PDZRN3: variants seen among roughly 807,000 people sequenced by gnomAD.
PDZRN3 encodes E3 ubiquitin-protein ligase PDZRN3.
A neutral mutation model predicts 85.7 loss-of-function variants in PDZRN3; 38 were observed. The ratio of observed to expected loss-of-function variants is 0.44; its 90% confidence interval spans 0.34 to 0.58. The LOEUF (loss-of-function observed/expected upper bound fraction) is 0.58. Ranked by LOEUF, PDZRN3 falls within the 20% of genes least tolerant of loss-of-function variation. The pLI, the probability that PDZRN3 is intolerant of heterozygous loss-of-function variation, is 0.01. For missense variants in PDZRN3, 1,629 were observed against 1,506.4 expected, an observed-to-expected ratio of 1.08 and a Z score of -1.35; for synonymous variants, 759 against 638.0, an observed-to-expected ratio of 1.19 and a Z score of -2.86.
At chr3:73,434,033 C>T in intron 3 of PDZRN3, 1 of 883,874 alleles carries the variant, frequency 1.1e-6, no homozygotes. Context: ...TATACTGCTG[C>T]TCATGCATAT....
At chr3:73,599,213 G>A (rs1488987003) in intron 3 of PDZRN3, among the ~76,000 whole-genome samples, 2 of 152,216 alleles carry the variant, frequency 1.3e-5, no homozygotes, top group African/African-American at 2.4e-5. Context: ...CCATCACTGG[G>A]TGAATGAATG....
chr3:73,388,155 C>T (rs1325516254), intron 7 of PDZRN3, 86 bp from the exon 8 acceptor site: 2 of 683,706 alleles, frequency 2.9e-6, no homozygotes, highest in African/African-American at 1.8e-5. Context: ...TTATTTCAGA[C>T]CTGCATTTGT....
At chr3:73,390,910 G>A in intron 6 of PDZRN3, 108 bp downstream of exon 6, 5 of 709,080 alleles carry the variant, frequency 7.1e-6, no homozygotes, top group Non-Finnish European at 1.3e-5. Flanking sequence ...AATAATTTGT[G>A]TCTTTCCAAA....
chr3:73,395,604 C>T (rs1364187452), intron 5 of PDZRN3, among the ~76,000 whole-genome samples: 1 of 152,168 alleles, frequency 6.6e-6, no homozygotes, highest in Non-Finnish European at 1.5e-5. Flanking sequence ...ATGCTTTATC[C>T]ACCTCCAGGA....
intron 3 of PDZRN3, among the ~76,000 whole-genome samples, chr3:73,525,290 T>C (rs1024475585): frequency 2.0e-5 from 3 of 152,224 alleles, no homozygotes; most frequent in Non-Finnish European, 4.4e-5. Context: ...CATGTATCTA[T>C]GTATACGTGT....
At chr3:73,501,947 C>T (rs1486240319) in intron 3 of PDZRN3, among the ~76,000 whole-genome samples, 2 of 152,082 alleles carry the variant, frequency 1.3e-5, no homozygotes, top group African/African-American at 2.4e-5. Context: ...ACCTGGGAGG[C>T]GGAGATGCAG....
intron 3 of PDZRN3, among the ~76,000 whole-genome samples, chr3:73,465,331 C>T (rs1703192098): frequency 6.6e-6 from 1 of 152,154 alleles, no homozygotes; most frequent in African/African-American, 2.4e-5. Context: ...GTATATTTCC[C>T]TTCCTTTACC....
Position 73,383,545 on chromosome 3 carries a change from T to C in PDZRN3, c.3021A>G (p.Gln1007=). The change falls in exon 10 of 10, where the codon CAA becomes CAG. Residue 1007 remains glutamine, a synonymous_variant. Coordinates refer to ENST00000263666, the MANE Select transcript of PDZRN3 (RefSeq NM_015009.3). The part of the protein sequence containing the change: ...QSRLDCLKEQ[Q]AADDRKEMNI... ...TCATCTCCTTCCTGTCATCGGCTGC[T>C]TGCTGCTCCTTGAGACAATCCAACC... The C allele has an allele frequency of 1.9e-6, 3 of 1,614,204 alleles. No individual in the cohort carries two copies. Among genetic ancestry groups the C allele is most frequent in the Non-Finnish European group, 2.5e-6 (3 of 1,180,024 alleles).
intron 3 of PDZRN3, among the ~76,000 whole-genome samples, chr3:73,522,395 A>C (rs1704389257): frequency 6.6e-6 from 1 of 152,238 alleles, no homozygotes; most frequent in African/African-American, 2.4e-5. Flanking sequence ...ATAAGCATCA[A>C]AACATGCTAG....
intron 3 of PDZRN3, among the ~76,000 whole-genome samples, chr3:73,458,945 T>C (rs538116868): frequency 8.7e-5 from 13 of 150,198 alleles, no homozygotes; most frequent in African/African-American, 2.2e-4. Context: ...TGAGCCAAGA[T>C]TGCACCACTG....
chr3:73,451,625 G>A (rs1214165625), intron 3 of PDZRN3, among the ~76,000 whole-genome samples: 1 of 152,134 alleles, frequency 6.6e-6, no homozygotes, highest in African/African-American at 2.4e-5. Flanking sequence ...TTTAGAGAGA[G>A]GCTGAGCTGC....
chr3:73,593,339 T>TA (rs1292126874), intron 3 of PDZRN3, among the ~76,000 whole-genome samples: 1 of 152,192 alleles, frequency 6.6e-6, no homozygotes, highest in East Asian at 1.9e-4. Context: ...TAAAATGCTT[T>TA]GTGGATTACC....
chr3:73,449,357 A>C (rs1702812762), intron 3 of PDZRN3, among the ~76,000 whole-genome samples: 1 of 151,898 alleles, frequency 6.6e-6, no homozygotes, highest in Non-Finnish European at 1.5e-5. Context: ...GTAGTTAAAC[A>C]TCAGTCTTTA....
chr3:73,433,657 T>C, intron 3 of PDZRN3: 1 of 1,534,610 alleles, frequency 6.5e-7, no homozygotes. Flanking sequence ...CTTCATAGAG[T>C]AATTTGTACT....
At chr3:73,455,528 C>T (rs1702960501) in intron 3 of PDZRN3, among the ~76,000 whole-genome samples, 1 of 152,178 alleles carries the variant, frequency 6.6e-6, no homozygotes, top group Non-Finnish European at 1.5e-5. Flanking sequence ...TAGAAATCTA[C>T]TTTTTTAGCC....
chr3:73,400,510 C>T (rs1011552962), intron 5 of PDZRN3, among the ~76,000 whole-genome samples: 5 of 152,130 alleles, frequency 3.3e-5, no homozygotes, highest in Admixed American at 6.5e-5. Flanking sequence ...TTTGTTAGGG[C>T]GGGCTAGCAT....
At chr3:73,581,096 C>G (rs1405753689) in intron 3 of PDZRN3, among the ~76,000 whole-genome samples, 1 of 152,166 alleles carries the variant, frequency 6.6e-6, no homozygotes, top group African/African-American at 2.4e-5. Context: ...CAGATGTACT[C>G]CTACATAAGA....
chr3:73,421,188 G>A (rs912941110), intron 3 of PDZRN3, among the ~76,000 whole-genome samples: 1 of 152,148 alleles, frequency 6.6e-6, no homozygotes, highest in African/African-American at 2.4e-5. Flanking sequence ...CCTACACTGT[G>A]CCATACGGGT....
intron 1 of PDZRN3, among the ~76,000 whole-genome samples, chr3:73,616,665 A>C (rs145207640): frequency 1.3e-5 from 2 of 152,280 alleles, no homozygotes; most frequent in Non-Finnish European, 2.9e-5. Flanking sequence ...TTAAATTCCT[A>C]AACTTTCTTC....
Sources: gnomAD v4.1 joint callset for allele counts (sites outside exome capture counted in the v4.1 genomes callset) on GRCh38, gnomAD v4.1.1 for gene constraint, MANE v1.5 for transcripts, NCBI Gene and HGNC (gene_info 2026-07-23, HGNC 2026-07-21) for gene names.